MAN2A1: variants seen among roughly 807,000 people sequenced by gnomAD.
The protein encoded by MAN2A1 is mannosidase alpha class 2A member 1.
In MAN2A1, 76 loss-of-function variants were observed where a neutral mutation model predicts 142.6. The ratio of observed to expected loss-of-function variants is 0.53; its 90% CI spans 0.44 to 0.65. The LOEUF (loss-of-function observed/expected upper bound fraction) is 0.65, where lower values mean the gene tolerates loss of function less well. Ranked by LOEUF, MAN2A1 falls within the 30% of genes least tolerant of loss-of-function variation. MAN2A1 has a pLI of 0.00. For missense variants in MAN2A1, 1,311 were observed against 1,365.1 expected (o/e 0.96, Z 0.62); for synonymous variants, 559 against 473.2 (o/e 1.18, Z -2.35).
chr5:109,704,166 C>T (rs1374042910), intron 1 of MAN2A1, among the ~76,000 whole-genome samples: 4 of 152,194 alleles, frequency 2.6e-5, no homozygotes, highest in Admixed American at 2.6e-4. Flanking sequence ...TCTGCCAGAA[C>T]AAGGGATGTT....
intron 12 of MAN2A1, among the ~76,000 whole-genome samples, chr5:109,795,650 A>G (rs1442581338): frequency 1.3e-5 from 2 of 152,212 alleles, no homozygotes; most frequent in African/African-American, 4.8e-5. Flanking sequence ...AGCAACCTGC[A>G]TGTCTTTTAA....
intron 1 of MAN2A1, among the ~76,000 whole-genome samples, chr5:109,702,618 A>C (rs1198215328): frequency 1.3e-5 from 2 of 152,172 alleles, no homozygotes; most frequent in Non-Finnish European, 2.9e-5. Context: ...TGTAGGGTCA[A>C]ATAACAACAC....
intron 16 of MAN2A1, among the ~76,000 whole-genome samples, chr5:109,836,324 G>A (rs1755054051): frequency 6.6e-6 from 1 of 151,638 alleles, no homozygotes; most frequent in Non-Finnish European, 1.5e-5. Flanking sequence ...GCTATGTTGG[G>A]CAGGCTGGTC....
At chr5:109,775,771 C>A (rs958430354) in intron 8 of MAN2A1, among the ~76,000 whole-genome samples, 1 of 152,074 alleles carries the variant, frequency 6.6e-6, no homozygotes, top group Non-Finnish European at 1.5e-5. Context: ...AAAAAACTAA[C>A]AATAATTTCA....
intron 16 of MAN2A1, among the ~76,000 whole-genome samples, chr5:109,832,161 C>CTTTTTTTTTTTTTTTTTTTTTTTTT (rs70999945): frequency 2.0e-5 from 1 of 51,230 alleles, no homozygotes; most frequent in Non-Finnish European, 3.7e-5. Context: ...AAGGAGTTTT[C>CTTTTTTTTTTTTTTTTTTTTTTTTT]TTTTTTTTTT....
At chr5:109,861,209 G>C (rs776691558) in intron 20 of MAN2A1, among the ~76,000 whole-genome samples, 25 of 149,972 alleles carry the variant, frequency 1.7e-4, no homozygotes, top group Non-Finnish European at 2.9e-4. Context: ...TCTGAGGATT[G>C]GAGATAATTT....
chr5:109,692,936 A>T (rs377705612), intron 1 of MAN2A1, among the ~76,000 whole-genome samples: 1 of 152,088 alleles, frequency 6.6e-6, no homozygotes, highest in African/African-American at 2.4e-5. Flanking sequence ...TCGTGCTCCT[A>T]TGAGAATCTA....
At chr5:109,826,562 T>C (rs182515825) in intron 16 of MAN2A1, among the ~76,000 whole-genome samples, 181 of 152,326 alleles carry the variant, frequency 1.2e-3, no homozygotes, top group Admixed American at 8.7e-3. Flanking sequence ...TGGGAAAAGA[T>C]AAGCCCGGTT....
chr5:109,744,763 T>C (rs1216555752), intron 4 of MAN2A1, among the ~76,000 whole-genome samples: 1 of 152,018 alleles, frequency 6.6e-6, no homozygotes, highest in East Asian at 1.9e-4. Context: ...CTCCTAGCAA[T>C]TTACCCAAGA....
At chr5:109,863,582 C>T (rs1755809268) in intron 20 of MAN2A1, 1 of 152,178 alleles carries the variant, frequency 6.6e-6, no homozygotes, top group African/African-American at 2.4e-5. Flanking sequence ...CACACAGTGA[C>T]TCCATGAAGG....
chr5:109,834,090 G>A (rs1755000265), intron 16 of MAN2A1, among the ~76,000 whole-genome samples: 1 of 152,160 alleles, frequency 6.6e-6, no homozygotes, highest in South Asian at 2.1e-4. Flanking sequence ...AGGTCATTAT[G>A]AGGAATCTTT....
At chr5:109,851,968 A>T (rs142097881) in intron 19 of MAN2A1, among the ~76,000 whole-genome samples, 1 of 152,128 alleles carries the variant, frequency 6.6e-6, no homozygotes, top group African/African-American at 2.4e-5. Context: ...ACTTGAGGAC[A>T]TATCCCACCA....
intron 17 of MAN2A1, among the ~76,000 whole-genome samples, chr5:109,843,510 G>A (rs186755904): frequency 2.0e-5 from 3 of 152,188 alleles, no homozygotes; most frequent in Non-Finnish European, 2.9e-5. Flanking sequence ...TATTAAGTTT[G>A]TTCCCTATAT....
At chr5:109,701,921 G>C (rs1750994850) in intron 1 of MAN2A1, among the ~76,000 whole-genome samples, 1 of 152,170 alleles carries the variant, frequency 6.6e-6, no homozygotes, top group Non-Finnish European at 1.5e-5. Flanking sequence ...TGATGACGTG[G>C]ATGTTAGTGG....
chr5:109,845,821 A>T (rs763282612), intron 17 of MAN2A1, 44 bp from the exon 18 acceptor site: 11 of 1,542,356 alleles, frequency 7.1e-6, no homozygotes, highest in Non-Finnish European at 9.7e-6. Flanking sequence ...AAAAGAACAT[A>T]TGTAAATATC....
chr5:109,692,328 T>A (rs1286959766), intron 1 of MAN2A1, among the ~76,000 whole-genome samples: 1 of 152,196 alleles, frequency 6.6e-6, no homozygotes, highest in Non-Finnish European at 1.5e-5. Flanking sequence ...GGTACTCAAC[T>A]GGGAGGTGGA....
At chr5:109,806,169 C>CT (rs973400319) in intron 12 of MAN2A1, among the ~76,000 whole-genome samples, 5 of 152,120 alleles carry the variant, frequency 3.3e-5, no homozygotes, top group African/African-American at 1.2e-4. Flanking sequence ...TCTGAGTGCT[C>CT]TAGTTGCTGC....
intron 21 of MAN2A1, among the ~76,000 whole-genome samples, chr5:109,866,006 A>G (rs1056141239): frequency 6.6e-6 from 1 of 152,070 alleles, no homozygotes; most frequent in African/African-American, 2.4e-5. Flanking sequence ...TTCAGTTCCA[A>G]CCCTACAAAT....
chr5:109,741,733 A>G (rs1752273216), intron 4 of MAN2A1, among the ~76,000 whole-genome samples: 1 of 152,232 alleles, frequency 6.6e-6, no homozygotes, highest in Non-Finnish European at 1.5e-5. Flanking sequence ...CCCCAGCAGC[A>G]TTATTATTCA....
Sources: allele counts gnomAD v4.1 joint callset (sites outside exome capture counted in the v4.1 genomes callset), GRCh38; gene constraint gnomAD v4.1.1; transcripts MANE v1.5; gene names NCBI Gene and HGNC (gene_info 2026-07-23, HGNC 2026-07-21).